CD72: variants seen among roughly 807,000 people sequenced by gnomAD.
CD72 encodes the protein B-cell differentiation antigen CD72.
CD72 carries 28 observed loss-of-function variants against 50.7 expected under a neutral mutation model. That is an observed-to-expected ratio of 0.55 (90% CI 0.41 to 0.76). The LOEUF (loss-of-function observed/expected upper bound fraction) is 0.76, where lower values mean the gene tolerates loss of function less well. CD72 is among the 30% of genes least tolerant of loss of function. The pLI, the probability that CD72 is intolerant of heterozygous loss-of-function variation, is 0.00. For synonymous variants in CD72, 176 were observed against 171.2 expected, an observed-to-expected ratio of 1.03 and a Z score of -0.22; for missense variants, 403 against 420.6, an observed-to-expected ratio of 0.96 and a Z score of 0.37.
At chr9:35,621,550 C>G (rs535326633), upstream of CD72, among the ~76,000 whole-genome samples, 9 of 152,310 alleles carry the variant, frequency 5.9e-5, no homozygotes, top group African/African-American at 1.9e-4. Flanking sequence ...TGTTCACACC[C>G]GAATCCCCAG....
upstream of CD72, chr9:35,618,687 C>CT: frequency 1.0e-6 from 1 of 956,300 alleles, no homozygotes; most frequent in Non-Finnish European, 1.4e-6. Flanking sequence ...CCCCACCCTC[C>CT]TCCTGGCTGC....
intron 6 of CD72, among the ~76,000 whole-genome samples, chr9:35,612,242 A>G (rs1349741183): frequency 1.3e-5 from 2 of 152,146 alleles, no homozygotes; most frequent in East Asian, 3.9e-4. Flanking sequence ...GAGTCCAGGA[A>G]CCTGTCAAGC....
rs1587902248 is a variant in CD72, at chr9:35,616,536, T to A, written c.352+64A>T. On this transcript the variant is annotated intron_variant, in intron 4 of 8. Transcript: ENST00000259633. ...TGATCCCTGCTGAGGAAGATCAGCT[T>A]TGGGGCGAGAGTCGGGACGAAAGTC... 4.6e-6 allele frequency: 6 copies of A among 1,295,730 alleles called. No homozygotes were observed. The East Asian group carries it at 1.4e-4, about 30-fold the overall frequency. The allele number at this position is 1,295,730 out of a possible 1,614,324, so 80.3% of individuals were successfully genotyped here.
upstream of CD72, among the ~76,000 whole-genome samples, chr9:35,619,332 T>C (rs1182009381): frequency 6.6e-6 from 1 of 152,106 alleles, no homozygotes; most frequent in East Asian, 1.9e-4. Context: ...AATGTTCTTT[T>C]ACCGGGATGT....
In CD72 at chr9:35,616,016, C is replaced by T. The variant is rs780418765; in HGVS notation, c.615G>A (p.Gln205=). Residue 205 remains glutamine (Q), a synonymous_variant, in exon 5 of 9, where the codon CAG becomes CAA. Transcript: ENST00000259633. ...TCAGCTTCTGCTCCAAGGCCCTCCTCTGTTGCTCCTCACTTTGCAAGGTCT... is the reference window on the plus strand; with the variant it reads ...TCAGCTTCTGCTCCAAGGCCCTCCTTTGTTGCTCCTCACTTTGCAAGGTCT... ...TKETLQSEEQ[Q]RRALEQKLSN... is the part of the protein sequence containing the mutation. 1.9e-6 allele frequency: 3 copies of T among 1,614,160 alleles called. No individual in the cohort carries two copies. Among genetic ancestry groups the T allele is most frequent in the East Asian group, 4.5e-5 (2 of 44,876 alleles).
intron 2 of CD72, 125 bp downstream of exon 2, chr9:35,617,889 C>G (rs1012134558): frequency 2.7e-6 from 2 of 728,080 alleles, no homozygotes; most frequent in Non-Finnish European, 5.0e-6. Context: ...CATGATCACA[C>G]CACTGCACTC....
At chr9:35,610,796 T>C (rs183737837) in intron 7 of CD72, 43 bp from the exon 8 acceptor site, 2 of 1,538,230 alleles carry the variant, frequency 1.3e-6, no homozygotes, top group African/African-American at 2.7e-5. Flanking sequence ...TCTGGACATA[T>C]CCCACCCTCC....
rs995769854 is a variant in CD72 at position 35,610,297 on chromosome 9, G to A, written c.*26C>T. On this transcript the variant is annotated 3_prime_UTR_variant, in exon 9 of 9. Transcript: ENST00000259633. ...GGGGCACAGGTTCTTGTTGGCATGA[G>A]TGTCTGGAAAAGTAAAGTATCAGTG... 1.4e-4 allele frequency: 35 copies of A among 242,882 alleles called. No individual in the cohort carries two copies. Among genetic ancestry groups the A allele is most frequent in the Non-Finnish European group, 2.3e-4 (29 of 127,946 alleles). The allele number at this position is 242,882 out of a possible 1,614,324, so 15.0% of individuals were successfully genotyped here.
intron 1 of CD72, among the ~76,000 whole-genome samples, chr9:35,631,351 T>C (rs1823244154): frequency 6.6e-6 from 1 of 152,194 alleles, no homozygotes; most frequent in South Asian, 2.1e-4. Flanking sequence ...TTCCAAGATA[T>C]GTCAAATAAT....
intron 8 of CD72, 132 bp from the exon 9 acceptor site, chr9:35,610,432 T>TGCC: frequency 3.7e-6 from 1 of 270,272 alleles, no homozygotes; most frequent in East Asian, 1.1e-4. Flanking sequence ...TACCTGTCCC[T>TGCC]CCCTGCCCAC....
At chr9:35,625,989 C>T (rs962094537) in intron 1 of CD72, among the ~76,000 whole-genome samples, 10 of 152,034 alleles carry the variant, frequency 6.6e-5, no homozygotes, top group Non-Finnish European at 1.2e-4. Flanking sequence ...GTTGTTTTCA[C>T]GCCTAACTTC....
At chr9:35,633,379 C>A (rs1483016148) in intron 1 of CD72, among the ~76,000 whole-genome samples, 1 of 150,596 alleles carries the variant, frequency 6.6e-6, no homozygotes, top group Non-Finnish European at 1.5e-5. Context: ...TTTTCCTGTG[C>A]GTGTGTTGTT....
chr9:35,614,715 A>C (rs563948409), intron 5 of CD72, among the ~76,000 whole-genome samples: 1 of 152,100 alleles, frequency 6.6e-6, no homozygotes, highest in African/African-American at 2.4e-5. Flanking sequence ...CAAAGAAGTG[A>C]GTGAGCCAGG....
At position 35,611,972 on chromosome 9, in the gene CD72, G is replaced by A. The variant is rs1822993647; in HGVS notation, c.835-53C>T. ...ATACATGGAGAGTGATGAGAAATAT[G>A]GAAGAAAATGCACACCCTAGGGAGG... On this transcript the variant is annotated intron_variant, in intron 6 of 8. Coordinates refer to ENST00000259633, the MANE Select transcript of CD72 (RefSeq NM_001782.3). The A allele has an allele frequency of 6.2e-6, 6 of 973,534 alleles. 1 individual carries two copies. In the South Asian group the frequency reaches 7.7e-5, roughly 13 times the overall value. The allele number at this position is 973,534 out of a possible 1,614,324, so 60.3% of individuals were successfully genotyped here. A position where few individuals can be genotyped will look rare whatever the true frequency, so the allele number is the denominator to read the frequency against.
At chr9:35,615,495 C>CAA (rs1823050399) in intron 5 of CD72, among the ~76,000 whole-genome samples, 1 of 152,098 alleles carries the variant, frequency 6.6e-6, no homozygotes, top group South Asian at 2.1e-4. Flanking sequence ...ACTGCCTTGC[C>CAA]CCACCACCAG....
At chr9:35,637,378 C>T (rs28414362) in intron 1 of CD72, among the ~76,000 whole-genome samples, 6,482 of 152,260 alleles carry the variant, frequency 0.043, 383 homozygotes, top group East Asian at 0.31. Flanking sequence ...AGGACTCCTT[C>T]GGGAGGCGGG....
upstream of CD72, chr9:35,618,458 A>C (rs780435168): frequency 6.4e-5 from 97 of 1,513,386 alleles, 1 homozygote; most frequent in East Asian, 1.8e-3. Context: ...CAAAAGAGGA[A>C]GGTGTTAGCA....
intron 1 of CD72, among the ~76,000 whole-genome samples, chr9:35,636,274 C>T (rs553840370): frequency 6.6e-6 from 1 of 152,292 alleles, no homozygotes; most frequent in East Asian, 1.9e-4. Context: ...AAAGTCACCC[C>T]TGGTTGAGAA....
chr9:35,636,278 T>A (rs1823288997), intron 1 of CD72, among the ~76,000 whole-genome samples: 1 of 152,168 alleles, frequency 6.6e-6, no homozygotes, highest in South Asian at 2.1e-4. Context: ...TCACCCCTGG[T>A]TGAGAACCAC....
Sources: gnomAD v4.1 joint callset for allele counts (sites outside exome capture counted in the v4.1 genomes callset) on GRCh38, gnomAD v4.1.1 for gene constraint, MANE v1.5 for transcripts, NCBI Gene and HGNC (gene_info 2026-07-23, HGNC 2026-07-21) for gene names.